PKHD1L1: variants seen among roughly 807,000 people sequenced by gnomAD.
PKHD1L1 encodes PKHD1 like 1.
A neutral mutation model predicts 462.9 loss-of-function variants in PKHD1L1; 434 were observed. The ratio of observed to expected loss-of-function variants is 0.94; its 90% CI spans 0.87 to 1.02. The LOEUF is 1.02. PKHD1L1 is among the 50% of genes least tolerant of loss of function. The pLI, the probability that PKHD1L1 is intolerant of heterozygous loss-of-function variation, is 0.00. For missense variants in PKHD1L1, 5,202 were observed against 5,096.1 expected (o/e 1.02, Z -0.63); for synonymous variants, 1,781 against 1,750.0 (o/e 1.02, Z -0.44).
chr8:109,492,863 A>AT (rs1345969351), intron 62 of PKHD1L1, among the ~76,000 whole-genome samples: 2 of 151,752 alleles, frequency 1.3e-5, no homozygotes, highest in Admixed American at 6.6e-5. Flanking sequence ...CTATGCTTCC[A>AT]TTTTTTATTA....
rs1385063881 is a variant in PKHD1L1, at chr8:109,375,147, G to A, written c.164-6223G>A. On this transcript the variant is annotated intron_variant, in intron 2 of 77. Coordinates refer to ENST00000378402, the MANE Select transcript of PKHD1L1 (RefSeq NM_177531.6). ...TCACTTTCAGGTACACCAATTAGAC[G>A]TAGATTTGGTCTTTTCACATAGTCC... 5.3e-5 allele frequency among the ~76,000 whole-genome samples: 8 copies of A among 152,262 alleles called. No homozygotes were observed. In the East Asian group the frequency reaches 5.8e-4, roughly 11 times the overall value.
intron 35 of PKHD1L1, among the ~76,000 whole-genome samples, 160 bp from the exon 36 acceptor site, chr8:109,442,786 G>A (rs537224679): frequency 6.6e-6 from 1 of 152,236 alleles, no homozygotes; most frequent in East Asian, 1.9e-4. Flanking sequence ...TTTTAATAGC[G>A]AGTTTTCTTA....
At chr8:109,365,360 A>G (rs944731128) in intron 2 of PKHD1L1, among the ~76,000 whole-genome samples, 1 of 152,190 alleles carries the variant, frequency 6.6e-6, no homozygotes, top group Non-Finnish European at 1.5e-5. Flanking sequence ...AAAAGTTTTC[A>G]TAGCTAACAA....
intron 50 of PKHD1L1, among the ~76,000 whole-genome samples, chr8:109,468,474 A>T (rs1426364654): frequency 6.6e-6 from 1 of 152,228 alleles, no homozygotes; most frequent in Non-Finnish European, 1.5e-5. Context: ...CGTAAGACTC[A>T]TCACAGAACA....
rs1314734448 is a variant in PKHD1L1 at position 109,449,431 on chromosome 8, T to C, written c.6119T>C (p.Ile2040Thr). ...TTAGTTTGTGGCTCAGAATGTGCAATTGACAGGCTTAGATCTGATTACACA... is the reference window on the plus strand; with the variant it reads ...TTAGTTTGTGGCTCAGAATGTGCAACTGACAGGCTTAGATCTGATTACACA... ...IILVCGSECA[I>T]DRLRSDYTTL... The change falls in exon 40 of 78, where the codon ATT (isoleucine) becomes ACT (threonine). Residue 2040 changes from isoleucine to threonine, a missense_variant. Ile to Thr is a moderately conservative substitution (Grantham distance 89). Around this residue, in one of 3 missense-constraint regions of PKHD1L1, gnomAD observed 4,497 missense variants for 4,336.8 expected, o/e 1.04. Transcript: ENST00000378402. The C allele has an allele frequency of 3.8e-6, 6 of 1,598,886 alleles. No individual in the cohort carries two copies. In the African/African-American group the frequency reaches 4.0e-5, roughly 11 times the overall value.
chr8:109,438,447 A>G lies in PKHD1L1; in HGVS notation c.3751A>G (p.Thr1251Ala), dbSNP rs1472652609. ...IITDFSPKVR[T>A]ILGEVNLTIK... ...AACTGATTTTAGTCCAAAAGTACGA[A>G]CAATACTAGGTAAGAAATTCTTCAA... Residue 1251 changes from threonine (T) to alanine (A), a missense_variant, in exon 31 of 78, where the codon ACA (threonine) becomes GCA (alanine). Coordinates refer to ENST00000378402, the MANE Select transcript of PKHD1L1 (RefSeq NM_177531.6). The G allele has an allele frequency of 6.5e-7, 1 of 1,540,656 alleles. No homozygotes were observed. Among genetic ancestry groups the G allele is most frequent in the Non-Finnish European group, 8.8e-7 (1 of 1,141,134 alleles).
chr8:109,492,518 C>T (rs921006764), intron 62 of PKHD1L1, among the ~76,000 whole-genome samples: 18 of 151,672 alleles, frequency 1.2e-4, no homozygotes, highest in African/African-American at 4.4e-4. Flanking sequence ...GACATACAAT[C>T]AAAGGAAATT....
chr8:109,372,886 G>A (rs1420941835), intron 2 of PKHD1L1, among the ~76,000 whole-genome samples: 13 of 152,258 alleles, frequency 8.5e-5, no homozygotes, highest in African/African-American at 2.4e-4. Context: ...GCTTTTTGAT[G>A]TGCTGCTGGA....
At chr8:109,377,689 T>C (rs1196932997) in intron 2 of PKHD1L1, among the ~76,000 whole-genome samples, 2 of 152,206 alleles carry the variant, frequency 1.3e-5, no homozygotes, top group South Asian at 2.1e-4. Flanking sequence ...GTAAAATATA[T>C]AAAATTCCAT....
At chr8:109,403,310 G>A (rs1355103797) in intron 14 of PKHD1L1, among the ~76,000 whole-genome samples, 1 of 152,060 alleles carries the variant, frequency 6.6e-6, no homozygotes, top group East Asian at 1.9e-4. Flanking sequence ...TAAAAACATA[G>A]CTTCACCTAG....
At chr8:109,494,789 C>T (rs1201087677) in intron 63 of PKHD1L1, among the ~76,000 whole-genome samples, 1 of 151,776 alleles carries the variant, frequency 6.6e-6, no homozygotes, top group Non-Finnish European at 1.5e-5. Flanking sequence ...CTTATAATTG[C>T]ATACTTTTTA....
At chr8:109,395,462 C>A (rs1251295797) in intron 10 of PKHD1L1, among the ~76,000 whole-genome samples, 1 of 152,014 alleles carries the variant, frequency 6.6e-6, no homozygotes, top group African/African-American at 2.4e-5. Flanking sequence ...GTGAAACTTC[C>A]TAGAAGTTTA....
rs370024472 is a variant in PKHD1L1, at chr8:109,439,093, G to A, written c.3956+1G>A. ...GAAACTGGGGTTTTGCATCAACAAG[G>A]TATGATAATGAACATAAACTTGATG... is the stretch of plus-strand genomic sequence containing the variant. On this transcript the variant is annotated splice_donor_variant, in intron 32 of 77. Transcript: ENST00000378402. LOFTEE classifies it high-confidence loss of function. 9 of 1,611,086 alleles carry A rather than the reference G, an allele frequency of 5.6e-6. No homozygotes were observed. The highest frequency in any genetic ancestry group is 7.6e-6 in the Non-Finnish European group (9 of 1,178,304).
intron 14 of PKHD1L1, among the ~76,000 whole-genome samples, chr8:109,401,928 G>A (rs143193026): frequency 1.8e-4 from 27 of 152,194 alleles, no homozygotes; most frequent in African/African-American, 5.8e-4. Context: ...CTTCAGTATT[G>A]CTAGGGAAAA....
At chr8:109,507,264 C>T (rs886588922) in intron 68 of PKHD1L1, among the ~76,000 whole-genome samples, 1 of 152,080 alleles carries the variant, frequency 6.6e-6, no homozygotes, top group Non-Finnish European at 1.5e-5. Context: ...ATAATAAAGA[C>T]TTCCCTGCCA....
At chr8:109,460,352 G>A (rs1334518078) in intron 47 of PKHD1L1, among the ~76,000 whole-genome samples, 3 of 151,978 alleles carry the variant, frequency 2.0e-5, no homozygotes, top group Non-Finnish European at 4.4e-5. Context: ...TGTGAGAGTG[G>A]GTTTACTGTA....
At chr8:109,471,015 CA>C in intron 50 of PKHD1L1, 3 of 1,610,072 alleles carry the variant, frequency 1.9e-6, no homozygotes, top group Non-Finnish European at 2.5e-6. Flanking sequence ...CCAGTTGGGT[CA>C]CCACTTAAGT....
At chr8:109,396,971 G>A (rs762323085) in intron 11 of PKHD1L1, among the ~76,000 whole-genome samples, 5 of 152,232 alleles carry the variant, frequency 3.3e-5, no homozygotes, top group South Asian at 2.1e-4. Context: ...GTCTTCTTTC[G>A]TGTCTGCATG....
chr8:109,472,339 C>A (rs933643309), intron 50 of PKHD1L1, among the ~76,000 whole-genome samples: 2 of 151,992 alleles, frequency 1.3e-5, no homozygotes, highest in Non-Finnish European at 2.9e-5. Flanking sequence ...TCTAAGCTTT[C>A]TTTTTGTGGT....
Sources: gnomAD v4.1 joint callset for allele counts (sites outside exome capture counted in the v4.1 genomes callset) on GRCh38, gnomAD v4.1.1 for gene constraint, gnomAD v4.1.1 regional missense constraint, MANE v1.5 for transcripts, NCBI Gene and HGNC (gene_info 2026-07-23, HGNC 2026-07-21) for gene names.